The following FOXP2 variants were observed in gnomAD, a reference collection of about 807,000 sequenced individuals.
FOXP2 encodes forkhead box protein P2.
In FOXP2, 12 loss-of-function variants were observed where a neutral mutation model predicts 115.8. The ratio of observed to expected loss-of-function variants is 0.10; its 90% CI spans 0.07 to 0.17. FOXP2 has a LOEUF of 0.17. FOXP2 is among the 10% of genes least tolerant of loss of function. The probability of loss-of-function intolerance (pLI) is 1.00; values close to 1 mark genes in which losing one functional copy is unlikely to be tolerated. For synonymous variants in FOXP2, 328 were observed against 297.7 expected (o/e 1.10, Z -1.05); for missense variants, 629 against 843.5 (o/e 0.75, Z 3.15).
upstream of FOXP2, among the ~76,000 whole-genome samples, chr7:114,087,453 G>T (rs1257447457): frequency 8.4e-6 from 1 of 118,854 alleles, no homozygotes; most frequent in East Asian, 2.8e-4. Context: ...GGGTGAAATC[G>T]CACCTCGCGG....
chr7:114,651,505 G>A (rs764942247), intron 8 of FOXP2, among the ~76,000 whole-genome samples: 12 of 152,062 alleles, frequency 7.9e-5, no homozygotes, highest in Admixed American at 2.0e-4. Context: ...ACATCGTATA[G>A]AAATAATAAT....
At chr7:114,161,310 ATGTTTT>A (rs1348336693), upstream of FOXP2, among the ~76,000 whole-genome samples, 2 of 152,184 alleles carry the variant, frequency 1.3e-5, no homozygotes, top group Admixed American at 6.5e-5. Flanking sequence ...AATGAAGTTT[ATGTTTT>A]TATTTCACCT....
intron 2 of FOXP2, among the ~76,000 whole-genome samples, chr7:114,530,983 A>C (rs1423134584): frequency 6.6e-6 from 1 of 151,816 alleles, no homozygotes; most frequent in East Asian, 1.9e-4. Flanking sequence ...CCTGATTTCA[A>C]ATTTTAAGAT....
chr7:114,432,595 A>G (rs1422393059), intron 2 of FOXP2, among the ~76,000 whole-genome samples: 1 of 151,986 alleles, frequency 6.6e-6, no homozygotes, highest in Non-Finnish European at 1.5e-5. Flanking sequence ...AGATCTTTAA[A>G]TATCCTAAAG....
chr7:114,314,401 C>A (rs1345219665), intron 2 of FOXP2, among the ~76,000 whole-genome samples: 1 of 151,992 alleles, frequency 6.6e-6, no homozygotes, highest in Non-Finnish European at 1.5e-5. Flanking sequence ...CATAGATGCA[C>A]CCTTGCTCTT....
At chr7:114,182,726 A>G (rs1273094351) in intron 1 of FOXP2, among the ~76,000 whole-genome samples, 1 of 152,066 alleles carries the variant, frequency 6.6e-6, no homozygotes, top group Non-Finnish European at 1.5e-5. Flanking sequence ...TTCTTAAAAC[A>G]TATACACAAA....
intron 1 of FOXP2, among the ~76,000 whole-genome samples, chr7:114,220,976 G>A (rs777548226): frequency 2.0e-5 from 3 of 152,130 alleles, no homozygotes; most frequent in Non-Finnish European, 4.4e-5. Context: ...AGAAGTAGTA[G>A]CATAATAGTA....
chr7:114,652,075 G>T, intron 8 of FOXP2, 128 bp from the exon 9 acceptor site: 1 of 822,956 alleles, frequency 1.2e-6, no homozygotes, highest in Non-Finnish European at 2.1e-6. Flanking sequence ...TATCTGTATG[G>T]TTTCAAGGCT....
intron 3 of FOXP2, among the ~76,000 whole-genome samples, chr7:114,535,244 A>C (rs1185509271): frequency 6.6e-6 from 1 of 151,522 alleles, no homozygotes; most frequent in East Asian, 1.9e-4. Flanking sequence ...TGTGAAACTG[A>C]TAGTATGTAT....
chr7:114,167,535 T>C (rs1033855865), intron 1 of FOXP2, among the ~76,000 whole-genome samples: 6 of 152,124 alleles, frequency 3.9e-5, no homozygotes, highest in African/African-American at 1.4e-4. Context: ...GTAATTTTCA[T>C]GTGTTATGGG....
rs1338556839 is a variant in FOXP2 at position 114,479,622 on chromosome 7, A to G, written c.168+52943A>G. Among the ~76,000 whole-genome samples the G allele has an allele frequency of 4.0e-5, 6 of 151,498 alleles. 1 individual carries two copies. Among genetic ancestry groups the G allele is most frequent in the Admixed American group, 4.0e-4 (6 of 15,172 alleles). The stretch of plus-strand genomic sequence containing the variant: ...AGATTGACTGTTATTATTTTTAAGT[A>G]TCATTCTAAAGAGAAACTCTTTGAA... On this transcript the variant is annotated intron_variant, in intron 2 of 16. Transcript: ENST00000350908.
chr7:114,628,786 A>G (rs1439179246), intron 4 of FOXP2, 109 bp downstream of exon 4: 5 of 1,324,670 alleles, frequency 3.8e-6, no homozygotes, highest in Non-Finnish European at 4.3e-6. Flanking sequence ...TGAAAGGACA[A>G]CCTATTAGCG....
intron 2 of FOXP2, among the ~76,000 whole-genome samples, chr7:114,304,392 C>T (rs1396036354): frequency 6.6e-6 from 1 of 151,738 alleles, no homozygotes; most frequent in Non-Finnish European, 1.5e-5. Context: ...AAAATAGATG[C>T]TGGGCATGGT....
At chr7:114,278,363 T>C (rs1796245137) in intron 1 of FOXP2, among the ~76,000 whole-genome samples, 1 of 149,168 alleles carries the variant, frequency 6.7e-6, no homozygotes, top group Non-Finnish European at 1.5e-5. Flanking sequence ...TTGTTTTACT[T>C]TTTTTTTTTT....
intron 14 of FOXP2, among the ~76,000 whole-genome samples, chr7:114,662,776 A>G (rs1054426052): frequency 2.0e-5 from 3 of 152,028 alleles, no homozygotes; most frequent in Non-Finnish European, 4.4e-5. Context: ...GGGAAGTTTG[A>G]ATTTTGTTTG....
intron 1 of FOXP2, among the ~76,000 whole-genome samples, chr7:114,287,177 GC>G (rs1796486863): frequency 2.0e-5 from 3 of 151,774 alleles, no homozygotes; most frequent in Non-Finnish European, 4.4e-5. Flanking sequence ...GCTTCCCTGG[GC>G]CACATTGGAA....
At chr7:114,417,897 A>G (rs1341479871) in intron 1 of FOXP2, among the ~76,000 whole-genome samples, 3 of 151,990 alleles carry the variant, frequency 2.0e-5, no homozygotes, top group Admixed American at 2.0e-4. Context: ...AAAGAAATAC[A>G]CGAACTGATA....
chr7:114,675,866 A>T (rs540883297), intron 16 of FOXP2, among the ~76,000 whole-genome samples: 64 of 151,828 alleles, frequency 4.2e-4, no homozygotes, highest in Admixed American at 7.9e-4. Context: ...GTAAAAAAGA[A>T]TTCATAGGAT....
chr7:114,229,489 T>C (rs1284612857), intron 1 of FOXP2, among the ~76,000 whole-genome samples: 1 of 151,680 alleles, frequency 6.6e-6, no homozygotes, highest in Non-Finnish European at 1.5e-5. Flanking sequence ...AGATAGATCA[T>C]GTGTTAGGTC....
Sources: allele counts gnomAD v4.1 joint callset (sites outside exome capture counted in the v4.1 genomes callset), GRCh38; gene constraint gnomAD v4.1.1; transcripts MANE v1.5; gene names NCBI Gene and HGNC (gene_info 2026-07-23, HGNC 2026-07-21).